The following LRRC28 variants were observed in gnomAD, a reference collection of about 807,000 sequenced individuals.
The protein encoded by LRRC28 is leucine-rich repeat-containing protein 28.
A neutral mutation model predicts 45.7 loss-of-function variants in LRRC28; 39 were observed. The ratio of observed to expected loss-of-function variants is 0.85; its 90% CI spans 0.66 to 1.12. LRRC28 has a LOEUF of 1.12. LRRC28 is among the 50% of genes most tolerant of loss of function. The probability of loss-of-function intolerance (pLI) is 0.00; values close to 1 mark genes in which losing one functional copy is unlikely to be tolerated. For synonymous variants in LRRC28, 206 were observed against 178.8 expected (o/e 1.15, Z -1.22); for missense variants, 435 against 438.5 (o/e 0.99, Z 0.07).
At position 99,267,930 on chromosome 15, in the gene LRRC28, A is replaced by G. The variant is rs566112774; in HGVS notation, c.169-8646A>G. On this transcript the variant is annotated intron_variant, in intron 2 of 9. Transcript: ENST00000301981. ...AACGTCTGTTCCATAACTTAACTCT[A>G]TTTATGGAGTCATAGGATTTTAAAG... is the stretch of plus-strand genomic sequence containing the variant. Among the ~76,000 whole-genome samples, 33 of 152,252 alleles carry G rather than the reference A, an allele frequency of 2.2e-4. No homozygotes were observed. In the South Asian group the frequency reaches 6.0e-3, roughly 28 times the overall value.
At chr15:99,361,595 TAA>T in intron 8 of LRRC28, 84 bp downstream of exon 8, 1 of 1,180,312 alleles carries the variant, frequency 8.5e-7, no homozygotes, top group Non-Finnish European at 1.1e-6. Flanking sequence ...CGTTCATCTT[TAA>T]AAAAAAAATT....
intron 5 of LRRC28, among the ~76,000 whole-genome samples, chr15:99,296,815 A>G (rs1200990202): frequency 6.6e-6 from 1 of 152,184 alleles, no homozygotes; most frequent in Non-Finnish European, 1.5e-5. Flanking sequence ...TTATTGTCTA[A>G]TATTTAAACT....
In LRRC28 at chr15:99,386,574, C is replaced by G. The variant is rs553555061; in HGVS notation, c.*472C>G. The G allele has an allele frequency of 5.0e-4, 77 of 154,780 alleles. No homozygotes were observed. The highest frequency in any genetic ancestry group is 1.6e-3 in the South Asian group (8 of 4,984). The allele number at this position is 154,780 out of a possible 1,614,324, so 9.6% of individuals were successfully genotyped here. Reference sequence around the variant, plus strand: ...CTTGTCAGTTTTTGAGGAGTTTCAGCAAACCCCGTGGCCTCAATGGTCTTG... The same window carrying G: ...CTTGTCAGTTTTTGAGGAGTTTCAGGAAACCCCGTGGCCTCAATGGTCTTG... On this transcript the variant is annotated 3_prime_UTR_variant, in exon 10 of 10. Coordinates refer to ENST00000301981, the MANE Select transcript of LRRC28 (RefSeq NM_144598.5).
chr15:99,324,546 AG>A (rs1268028040), intron 5 of LRRC28, among the ~76,000 whole-genome samples: 1 of 152,114 alleles, frequency 6.6e-6, no homozygotes, highest in Non-Finnish European at 1.5e-5. Flanking sequence ...TTTAAATTTT[AG>A]GTTAGGTCAT....
rs987057166 is a variant in LRRC28, at chr15:99,357,849, TATA to T, written c.696-3478_696-3476del. Among the ~76,000 whole-genome samples, 26 of 152,212 alleles carry T rather than the reference TATA, an allele frequency of 1.7e-4. No individual in the cohort carries two copies. The South Asian group carries it at 2.5e-3, about 15-fold the overall frequency. On this transcript the variant is annotated intron_variant, in intron 7 of 9. Coordinates refer to ENST00000301981, the MANE Select transcript of LRRC28 (RefSeq NM_144598.5). Reference sequence around the variant, plus strand: ...GATTTTGATGAATTCTGTAGCCACATATAATAATAATTTTTATATTAAATGATG... The same window carrying T: ...GATTTTGATGAATTCTGTAGCCACATATAATAATTTTTATATTAAATGATG...
At position 99,388,456 on chromosome 15, in the gene LRRC28, C is replaced by T. The variant is rs1344842824; in HGVS notation, c.*2354C>T. On this transcript the variant is annotated 3_prime_UTR_variant, in exon 10 of 10. Coordinates refer to ENST00000301981, the MANE Select transcript of LRRC28 (RefSeq NM_144598.5). ...AACAGCAGTGGGCTGGGCAGACAAC[C>T]TTTGGGCAGTCTCAACCTTAATCCT... 6.6e-6 allele frequency: 1 copy of T among 152,238 alleles called. No homozygotes were observed. Among genetic ancestry groups the T allele is most frequent in the African/African-American group, 2.4e-5 (1 of 41,444 alleles). 9.4% of individuals were successfully genotyped at this position (152,238 alleles called of 1,614,324 possible).
intron 6 of LRRC28, among the ~76,000 whole-genome samples, chr15:99,339,845 G>T (rs1407115453): frequency 6.6e-6 from 1 of 152,174 alleles, no homozygotes; most frequent in Admixed American, 6.5e-5. Flanking sequence ...CTTTCTACGA[G>T]GGAAAATTAA....
chr15:99,256,024 A>G lies in LRRC28; in HGVS notation c.67A>G (p.Asn23Asp), dbSNP rs199586318. The G allele has an allele frequency of 3.7e-6, 6 of 1,613,694 alleles. No individual in the cohort carries two copies. Among genetic ancestry groups the G allele is most frequent in the Non-Finnish European group, 5.1e-6 (6 of 1,180,020 alleles). The change falls in exon 2 of 10, where the codon AAT becomes GAT. Residue 23 changes from asparagine (N) to aspartate (D), a missense_variant. Coordinates refer to ENST00000301981, the MANE Select transcript of LRRC28 (RefSeq NM_144598.5). Reference sequence around the variant, plus strand: ...AGAAAAGCACAAGAATTTGTTCTTAAATTATAGGAATCTGCACCATTTTCC... The same window carrying G: ...AGAAAAGCACAAGAATTTGTTCTTAGATTATAGGAATCTGCACCATTTTCC... ...RLEKHKNLFL[N>D]YRNLHHFPLE...
chr15:99,280,548 G>T (rs545326148), intron 3 of LRRC28, among the ~76,000 whole-genome samples: 1 of 151,844 alleles, frequency 6.6e-6, no homozygotes, highest in Non-Finnish European at 1.5e-5. Context: ...ATTCCCTGGC[G>T]TGCATAGTTT....
At chr15:99,303,914 C>G (rs1224918813) in intron 5 of LRRC28, among the ~76,000 whole-genome samples, 1 of 152,038 alleles carries the variant, frequency 6.6e-6, no homozygotes, top group African/African-American at 2.4e-5. Flanking sequence ...TTGTCCCCCC[C>G]ACTGGATGTA....
intron 5 of LRRC28, among the ~76,000 whole-genome samples, chr15:99,289,710 G>T: frequency 6.6e-6 from 1 of 151,294 alleles, no homozygotes; most frequent in Non-Finnish European, 1.5e-5. Flanking sequence ...GAGGCGGGTG[G>T]ATCATGAGGT....
chr15:99,383,804 C>G (rs933967499), intron 9 of LRRC28, among the ~76,000 whole-genome samples: 13 of 152,182 alleles, frequency 8.5e-5, no homozygotes, highest in African/African-American at 3.1e-4. Context: ...CCTGGGTCCT[C>G]TCTGCATTCC....
At chr15:99,327,382 T>G (rs2152285648) in intron 5 of LRRC28, among the ~76,000 whole-genome samples, 1 of 152,342 alleles carries the variant, frequency 6.6e-6, no homozygotes, top group East Asian at 1.9e-4. Flanking sequence ...AATTCAGTTT[T>G]TTAACTTGTG....
chr15:99,360,160 T>C (rs2054272656), intron 7 of LRRC28, among the ~76,000 whole-genome samples: 1 of 152,164 alleles, frequency 6.6e-6, no homozygotes, highest in Non-Finnish European at 1.5e-5. Flanking sequence ...TGTCCATCCA[T>C]ACCCTGCATC....
At chr15:99,256,280 C>A (rs2081019446) in intron 2 of LRRC28, 155 bp downstream of exon 2, 1 of 561,190 alleles carries the variant, frequency 1.8e-6, no homozygotes. Flanking sequence ...TTCTCATTGG[C>A]TATGAATTTG....
At chr15:99,381,171 A>G (rs1027834414) in intron 9 of LRRC28, among the ~76,000 whole-genome samples, 5 of 152,144 alleles carry the variant, frequency 3.3e-5, no homozygotes, top group Non-Finnish European at 5.9e-5. Context: ...AAGTATACCA[A>G]TCAGACGTAG....
chr15:99,384,910 TGA>T, intron 9 of LRRC28: 1 of 152,520 alleles, frequency 6.6e-6, no homozygotes, highest in South Asian at 2.1e-4. Context: ...CACATTTGGC[TGA>T]GACTTTGAAG....
intron 9 of LRRC28, among the ~76,000 whole-genome samples, chr15:99,375,436 G>A (rs1046716562): frequency 6.6e-6 from 1 of 152,080 alleles, no homozygotes; most frequent in East Asian, 1.9e-4. Flanking sequence ...TTCTGTTTTT[G>A]TATTATCCTT....
intron 9 of LRRC28, among the ~76,000 whole-genome samples, chr15:99,375,022 G>A (rs747256865): frequency 1.3e-5 from 2 of 152,222 alleles, no homozygotes; most frequent in South Asian, 4.1e-4. Flanking sequence ...TAAGTATAAT[G>A]TGTTAACTAT....
Sources: allele counts gnomAD v4.1 joint callset (sites outside exome capture counted in the v4.1 genomes callset), GRCh38; gene constraint gnomAD v4.1.1; transcripts MANE v1.5; gene names NCBI Gene and HGNC (gene_info 2026-07-23, HGNC 2026-07-21).